The following DDX17 variants were observed in gnomAD, a reference collection of about 807,000 sequenced individuals.
DDX17 encodes the protein DEAD-box helicase 17, also known as probable ATP-dependent RNA helicase DDX17.
DDX17 carries 10 observed loss-of-function variants against 80.8 expected under a neutral mutation model. The observed-to-expected ratio is 0.12, with a 90% CI of 0.08 to 0.21. DDX17 has a LOEUF of 0.21. Ranked by LOEUF, DDX17 falls within the 10% of genes least tolerant of loss-of-function variation. DDX17 has a pLI of 1.00. For synonymous variants in DDX17, 339 were observed against 336.2 expected (o/e 1.01, Z -0.09); for missense variants, 586 against 957.4 (o/e 0.61, Z 5.12).
At position 38,485,988 on chromosome 22, in the gene DDX17, T is replaced by C; in HGVS notation, c.2137A>G (p.Thr713Ala). 1 of 1,613,952 alleles carries C rather than the reference T, an allele frequency of 6.2e-7. No homozygotes were observed. Among genetic ancestry groups the C allele is most frequent in the Middle Eastern group, 1.7e-4 (1 of 6,038 alleles). The change falls in exon 13 of 13, where the codon ACT becomes GCT. Residue 713 changes from threonine to alanine, a missense_variant. By Grantham distance (58) the Thr-to-Ala change is moderately conservative (BLOSUM62 0). Around this residue, in one of 4 missense-constraint regions of DDX17, gnomAD observed 221 missense variants for 261.4 expected, o/e 0.85. Transcript: ENST00000403230. ...GGAGGAGGAGGGTATTGGTAGGCAG[T>C]CTGCCCCATGTAACCTATCATATTG...
chr22:38,489,742 A>G lies in DDX17; in HGVS notation c.1448-1627T>C, dbSNP rs1215054315. Reference sequence around the variant, plus strand: ...CCCTAAAGTCCTGAATCACACCAGAAAGACGAGAAGGCACTTATCACAGGG... The same window carrying G: ...CCCTAAAGTCCTGAATCACACCAGAGAGACGAGAAGGCACTTATCACAGGG... On this transcript the variant is annotated intron_variant, in intron 11 of 12. Coordinates refer to ENST00000403230, the MANE Select transcript of DDX17 (RefSeq NM_006386.5). The surrounding 1 kb of genome is among the most constrained non-coding windows in gnomAD (Gnocchi z 4.6). 1.0e-6 allele frequency: 1 copy of G among 985,314 alleles called. No homozygotes were observed. Among genetic ancestry groups the G allele is most frequent in the Non-Finnish European group, 1.2e-6 (1 of 829,980 alleles). The allele number at this position is 985,314 out of a possible 1,614,324, so 61.0% of individuals were successfully genotyped here.
chr22:38,488,084 A>G lies in DDX17; in HGVS notation c.1479T>C (p.Tyr493=), dbSNP rs2089678201. The G allele has an allele frequency of 6.2e-7, 1 of 1,614,240 alleles. No homozygotes were observed. Among genetic ancestry groups the G allele is most frequent in the Non-Finnish European group, 8.5e-7 (1 of 1,180,052 alleles). Residue 493 remains tyrosine (Y), a synonymous_variant, in exon 12 of 13, where the codon TAT becomes TAC. Coordinates refer to ENST00000403230, the MANE Select transcript of DDX17 (RefSeq NM_006386.5). ...AATCCTCTGAGCTGTTTGGATAGTCATAGTTGATCACAAACTTGACATCTT... is the reference window on the plus strand; with the variant it reads ...AATCCTCTGAGCTGTTTGGATAGTCGTAGTTGATCACAAACTTGACATCTT...
intron 2 of DDX17, among the ~76,000 whole-genome samples, chr22:38,500,532 G>C (rs1048202203): frequency 1.3e-5 from 2 of 152,018 alleles, no homozygotes; most frequent in South Asian, 4.2e-4. Context: ...AAAGAGGCTG[G>C]GCGTGGTGGC....
At chr22:38,492,468 A>T (rs1248423703) in intron 10 of DDX17, among the ~76,000 whole-genome samples, 2 of 152,102 alleles carry the variant, frequency 1.3e-5, no homozygotes, top group Non-Finnish European at 2.9e-5. Flanking sequence ...TCCCCCCAAA[A>T]GGTATGCATA....
At chr22:38,505,905 T>TG in intron 1 of DDX17, 46 bp downstream of exon 1, 1 of 1,523,784 alleles carries the variant, frequency 6.6e-7, no homozygotes, top group Non-Finnish European at 8.8e-7. Flanking sequence ...AAGAAGCAAC[T>TG]CCCCCACCCC....
chr22:38,495,674 G>C (rs1602677898), intron 6 of DDX17, 122 bp downstream of exon 6: 1 of 780,406 alleles, frequency 1.3e-6, no homozygotes, highest in Non-Finnish European at 1.9e-6. Context: ...TCACATCTGA[G>C]AATTTCTAAG....
intron 12 of DDX17, 73 bp from the exon 13 acceptor site, chr22:38,486,513 G>T: frequency 6.8e-7 from 1 of 1,459,916 alleles, no homozygotes; most frequent in Non-Finnish European, 9.1e-7. Flanking sequence ...AAATTCTACT[G>T]GGTACAAAAG....
chr22:38,491,855 G>GGGGT, intron 11 of DDX17: 1 of 459,732 alleles, frequency 2.2e-6, no homozygotes, highest in Non-Finnish European at 3.8e-6. Flanking sequence ...AAATAAAAGG[G>GGGGT]GGGTGGGGGA....
rs1379430097 is a variant in DDX17 at position 38,506,185 on chromosome 22, G to A, written c.53C>T (p.Thr18Met). Reference sequence around the variant, plus strand: ...AGACGCCACCGTCGCCGCCTCTCTCGTCGGAGACGGGAGCAAAACACAGAG... The same window carrying A: ...AGACGCCACCGTCGCCGCCTCTCTCATCGGAGACGGGAGCAAAACACAGAG... The change falls in exon 1 of 13, where the codon ACG (threonine) becomes ATG (methionine). Residue 18 changes from threonine to methionine, a missense_variant. Physicochemically the swap from Thr to Met is moderately conservative, Grantham distance 81. This residue lies in a region of DDX17 where 215 missense variants were observed against 238.4 expected (regional missense o/e 0.90). Coordinates refer to ENST00000403230, the MANE Select transcript of DDX17 (RefSeq NM_006386.5). 8 of 1,603,136 alleles carry A rather than the reference G, an allele frequency of 5.0e-6. No individual in the cohort carries two copies. In the South Asian group the frequency reaches 6.7e-5, roughly 13 times the overall value.
Position 38,506,068 on chromosome 22 carries a change from G to T in DDX17, c.170C>A (p.Pro57Gln). The T allele has an allele frequency of 6.3e-7, 1 of 1,584,794 alleles. No homozygotes were observed. The highest frequency in any genetic ancestry group is 8.6e-7 in the Non-Finnish European group (1 of 1,166,624). ...CGGGCTCGGGAGGGCCTGCGGCTCC[G>T]GTCTGGTGACGACCGATGGCGGCGG... The change falls in exon 1 of 13, where the codon CCG becomes CAG. Residue 57 changes from proline to glutamine, a missense_variant. Coordinates refer to ENST00000403230, the MANE Select transcript of DDX17 (RefSeq NM_006386.5).
chr22:38,493,669 G>C (rs775831868), intron 10 of DDX17, 41 bp downstream of exon 10: 1 of 1,463,076 alleles, frequency 6.8e-7, no homozygotes, highest in East Asian at 2.3e-5. Flanking sequence ...TTATGGGCAG[G>C]GGGTGGGGAA....
chr22:38,494,204 C>A, intron 8 of DDX17, 73 bp from the exon 9 acceptor site: 1 of 1,009,570 alleles, frequency 9.9e-7, no homozygotes. Flanking sequence ...GCAATATCAA[C>A]TCCCAAGGCT....
At chr22:38,490,556 A>C in intron 11 of DDX17, 2 of 789,518 alleles carry the variant, frequency 2.5e-6, no homozygotes, top group African/African-American at 1.8e-5. Flanking sequence ...CCTAAGGATG[A>C]CTATTATAAA....
At position 38,494,340 on chromosome 22, in the gene DDX17, G is replaced by A. The variant is rs117111235; in HGVS notation, c.1215-209C>T. ...TCCTCACAGCAAGTCTCATGTAAGT[G>A]GTATTACTCCCATTTCACAGATGAA... On this transcript the variant is annotated intron_variant, in intron 8 of 12. Coordinates refer to ENST00000403230, the MANE Select transcript of DDX17 (RefSeq NM_006386.5). 1.7e-4 allele frequency: 97 copies of A among 584,366 alleles called. No individual in the cohort carries two copies. The East Asian group carries it at 2.7e-3, about 17-fold the overall frequency. The allele number at this position is 584,366 out of a possible 1,614,324, so 36.2% of individuals were successfully genotyped here. A position where few individuals can be genotyped will look rare whatever the true frequency, so the allele number is the denominator to read the frequency against.
rs5845383 is a variant in DDX17 at position 38,484,244 on chromosome 22, TG to T, written c.*1690del. The T allele has an allele frequency of 0.35, 50,238 of 141,546 alleles. 8,513 individuals carry two copies. The highest frequency in any genetic ancestry group is 0.41 in the Middle Eastern group (111 of 268). The allele number at this position is 141,546 out of a possible 1,614,324, so 8.8% of individuals were successfully genotyped here. On this transcript the variant is annotated 3_prime_UTR_variant, in exon 13 of 13. Coordinates refer to ENST00000403230, the MANE Select transcript of DDX17 (RefSeq NM_006386.5). ...TCCCTTGGCCTCAACTTCTGTAAGATGGGGGGGGGACAAAAAGAGAAGTAAA... is the reference window on the plus strand; with the variant it reads ...TCCCTTGGCCTCAACTTCTGTAAGATGGGGGGGGACAAAAAGAGAAGTAAA...
Position 38,493,189 on chromosome 22 carries a change from C to T in DDX17, c.1387+521G>A, listed in dbSNP as rs544743401. Among the ~76,000 whole-genome samples the T allele has an allele frequency of 2.6e-5, 4 of 152,236 alleles. No homozygotes were observed. In the East Asian group the frequency reaches 5.8e-4, roughly 22 times the overall value. ...AATAAATATTGTCTGAACATAGCCA[C>T]GTTTATCTCTTTGAGACAGGGTCCC... On this transcript the variant is annotated intron_variant, in intron 10 of 12. Coordinates refer to ENST00000403230, the MANE Select transcript of DDX17 (RefSeq NM_006386.5).
chr22:38,502,655 G>C (rs534418986), intron 1 of DDX17, among the ~76,000 whole-genome samples: 1 of 152,120 alleles, frequency 6.6e-6, no homozygotes, highest in Non-Finnish European at 1.5e-5. Context: ...ACTAGCCAAA[G>C]CTAATATTTA....
intron 12 of DDX17, among the ~76,000 whole-genome samples, chr22:38,486,892 CG>C (rs200395134): frequency 5.3e-5 from 8 of 152,046 alleles, no homozygotes; most frequent in African/African-American, 1.7e-4. Flanking sequence ...CAACCATGAC[CG>C]GGGGCACACT....
chr22:38,498,004 G>T, intron 5 of DDX17, 81 bp downstream of exon 5: 3 of 1,344,652 alleles, frequency 2.2e-6, no homozygotes, highest in South Asian at 2.4e-5. Flanking sequence ...GAGTACAAAT[G>T]GATAATGTAA....
Sources: allele counts gnomAD v4.1 joint callset (sites outside exome capture counted in the v4.1 genomes callset), GRCh38; gene constraint gnomAD v4.1.1; regional missense constraint gnomAD v4.1.1; non-coding constraint Gnocchi (gnomAD v3.1); transcripts MANE v1.5; gene names NCBI Gene and HGNC (gene_info 2026-07-23, HGNC 2026-07-21).